Variants in ADCY9 observed in about 807,000 individuals in gnomAD.
The protein encoded by ADCY9 is adenylate cyclase 9, also known as adenylate cyclase type 9.
A neutral mutation model predicts 101.5 loss-of-function variants in ADCY9; 50 were observed. The observed-to-expected ratio is 0.49, with a 90% CI of 0.39 to 0.62. ADCY9 has a LOEUF of 0.62. Ranked by LOEUF, ADCY9 falls within the 20% of genes least tolerant of loss-of-function variation. ADCY9 has a pLI of 0.00. For synonymous variants in ADCY9, 905 were observed against 769.3 expected (o/e 1.18, Z -2.92); for missense variants, 1,662 against 1,800.4 (o/e 0.92, Z 1.39).
intron 2 of ADCY9, among the ~76,000 whole-genome samples, chr16:4,038,836 C>T (rs951440703): frequency 1.3e-5 from 2 of 152,042 alleles, no homozygotes; most frequent in Non-Finnish European, 2.9e-5. Flanking sequence ...CTTCCACTCC[C>T]ACTGCCTGAA....
intron 10 of ADCY9, among the ~76,000 whole-genome samples, chr16:3,968,740 T>C (rs1242483245): frequency 1.3e-5 from 2 of 152,192 alleles, no homozygotes; most frequent in East Asian, 3.8e-4. Flanking sequence ...CCTACCCCTA[T>C]CTTTGTGCGT....
chr16:3,980,572 C>T (rs894096355), intron 7 of ADCY9, among the ~76,000 whole-genome samples: 2 of 152,174 alleles, frequency 1.3e-5, no homozygotes, highest in African/African-American at 2.4e-5. Context: ...CCCCAGCCTT[C>T]GGGCCTGAAC....
In ADCY9 at chr16:3,966,459, C is replaced by A; in HGVS notation, c.3378G>T (p.Gln1126His). ...GGTGCTCCTGCGGGTGGCTGCCGTC[C>A]TGGGCCTGCGCGGTGTTCAGCCCTG... ...AASGLNTAQA[Q>H]DGSHPQEHLQ... is the part of the protein sequence containing the mutation. The change falls in exon 11 of 11, where the codon CAG (glutamine) becomes CAT (histidine). Residue 1126 changes from glutamine (Q) to histidine (H), a missense_variant. Gln to His is a conservative substitution (Grantham distance 24, BLOSUM62 0). Coordinates refer to ENST00000294016, the MANE Select transcript of ADCY9 (RefSeq NM_001116.4). 1 of 1,614,142 alleles carries A rather than the reference C, an allele frequency of 6.2e-7. No homozygotes were observed. Among genetic ancestry groups the A allele is most frequent in the Non-Finnish European group, 8.5e-7 (1 of 1,180,048 alleles).
chr16:4,034,436 G>T (rs1233348243), intron 2 of ADCY9, among the ~76,000 whole-genome samples: 4 of 152,032 alleles, frequency 2.6e-5, no homozygotes, highest in Non-Finnish European at 4.4e-5. Context: ...TTGAGACAAG[G>T]TCTCACTCTG....
At chr16:3,962,288 C>A (rs1187882449), downstream of ADCY9, among the ~76,000 whole-genome samples, 3 of 152,168 alleles carry the variant, frequency 2.0e-5, no homozygotes, top group Non-Finnish European at 2.9e-5. Flanking sequence ...TTTCAGAAAA[C>A]CTACTTTTTC....
At chr16:4,010,670 A>C (rs2056398239) in intron 2 of ADCY9, among the ~76,000 whole-genome samples, 1 of 152,194 alleles carries the variant, frequency 6.6e-6, no homozygotes, top group South Asian at 2.1e-4. Flanking sequence ...AGGCGTGCCA[A>C]GTCCCAGGAC....
At position 3,993,563 on chromosome 16, in the gene ADCY9, C is replaced by T. The variant is rs373220962; in HGVS notation, c.1885-53G>A. 92 of 1,599,300 alleles carry T rather than the reference C, an allele frequency of 5.8e-5. 1 individual carries two copies. In the South Asian group the frequency reaches 9.4e-4, roughly 16 times the overall value. ...CACACCCAGAAACCGCGACTGCCAC[C>T]CTGAATTCAGGCAGGTCCGCTGTTG... On this transcript the variant is annotated intron_variant, in intron 3 of 10. Coordinates refer to ENST00000294016, the MANE Select transcript of ADCY9 (RefSeq NM_001116.4).
At chr16:4,027,434 G>T in intron 2 of ADCY9, among the ~76,000 whole-genome samples, 1 of 152,200 alleles carries the variant, frequency 6.6e-6, no homozygotes, top group East Asian at 1.9e-4. Context: ...CCGAGACTGG[G>T]TAATTACGAA....
chr16:4,114,605 C>A lies in ADCY9; in HGVS notation c.838G>T (p.Glu280Ter). 6.2e-7 allele frequency: 1 copy of A among 1,613,812 alleles called. No homozygotes were observed. The highest frequency in any genetic ancestry group is 8.5e-7 in the Non-Finnish European group (1 of 1,180,042). The change falls in exon 2 of 11, where the codon GAG becomes TAG. Residue 280 changes from glutamate (E) to a stop codon, truncating the protein, a stop_gained. Transcript: ENST00000294016. LOFTEE classifies it high-confidence loss of function. This position sits in a 1 kb window ranked among gnomAD's most constrained non-coding sequence, Gnocchi z 4.3. ...TGGAGCAGCCCCCTGCTCAGCAGCTCCCAGTGCAGGGCCCCGGCTCCGGGC... is the reference window on the plus strand; with the variant it reads ...TGGAGCAGCCCCCTGCTCAGCAGCTACCAGTGCAGGGCCCCGGCTCCGGGC... ...PSPGAGALHWELLSRGLLHGC... is the reference protein window; with the variant it reads ...PSPGAGALHW
intron 2 of ADCY9, among the ~76,000 whole-genome samples, chr16:4,053,537 C>T (rs1409660021): frequency 1.3e-5 from 2 of 152,216 alleles, no homozygotes; most frequent in East Asian, 3.8e-4. Flanking sequence ...CTTGTCGCCA[C>T]AATGGCTGAT....
chr16:3,969,984 A>G (rs567637932), intron 10 of ADCY9, among the ~76,000 whole-genome samples: 2 of 152,282 alleles, frequency 1.3e-5, no homozygotes, highest in Middle Eastern at 3.4e-3. Flanking sequence ...ATCCAGAGGC[A>G]ATCACTATTA....
chr16:4,100,611 G>T (rs9935306), intron 2 of ADCY9, among the ~76,000 whole-genome samples: 1 of 151,970 alleles, frequency 6.6e-6, no homozygotes, highest in Non-Finnish European at 1.5e-5. Flanking sequence ...GATTACAGGC[G>T]TGAGCCATGC....
At chr16:4,068,761 G>A (rs932521741) in intron 2 of ADCY9, among the ~76,000 whole-genome samples, 5 of 150,732 alleles carry the variant, frequency 3.3e-5, no homozygotes, top group South Asian at 2.1e-4. Context: ...AGCTTGCAGT[G>A]AGCCAAGATC....
chr16:4,033,638 A>G (rs986854777), intron 2 of ADCY9, among the ~76,000 whole-genome samples: 1 of 151,934 alleles, frequency 6.6e-6, no homozygotes, highest in African/African-American at 2.4e-5. Context: ...GATGGTCTCA[A>G]TCTCCTGACC....
chr16:4,024,873 T>G (rs1038552681), intron 2 of ADCY9, among the ~76,000 whole-genome samples: 1 of 152,164 alleles, frequency 6.6e-6, no homozygotes, highest in Admixed American at 6.5e-5. Context: ...AAGATGCTGG[T>G]GACACGCTCA....
chr16:4,085,978 G>A (rs1012373735), intron 2 of ADCY9, among the ~76,000 whole-genome samples: 2 of 151,774 alleles, frequency 1.3e-5, no homozygotes, highest in African/African-American at 2.4e-5. Flanking sequence ...AACAACACTC[G>A]CTGAGTATCT....
At chr16:3,971,914 CG>C (rs1208947266) in intron 10 of ADCY9, among the ~76,000 whole-genome samples, 7 of 152,182 alleles carry the variant, frequency 4.6e-5, no homozygotes, top group Non-Finnish European at 1.0e-4. Flanking sequence ...TGACTCGAGA[CG>C]GGCGCAGGCC....
Position 3,983,317 on chromosome 16 carries a change from C to T in ADCY9, c.2434G>A (p.Ala812Thr), listed in dbSNP as rs1228010830. 3 of 1,572,272 alleles carry T rather than the reference C, an allele frequency of 1.9e-6. No homozygotes were observed. Among genetic ancestry groups the T allele is most frequent in the Non-Finnish European group, 2.6e-6 (3 of 1,159,368 alleles). The change falls in exon 7 of 11, where the codon GCC (alanine) becomes ACC (threonine). Residue 812 changes from alanine (A) to threonine (T), a missense_variant. Coordinates refer to ENST00000294016, the MANE Select transcript of ADCY9 (RefSeq NM_001116.4). ...STTCFLKYEA[A>T]TVPPPPAALA... Reference sequence around the variant, plus strand: ...GCGGCGGGCGGGGGAGGCACGGTGGCCGCCTCGTACTTCAGGAAGCAGGTG... The same window carrying T: ...GCGGCGGGCGGGGGAGGCACGGTGGTCGCCTCGTACTTCAGGAAGCAGGTG...
At chr16:4,109,290 T>C (rs2057098919) in intron 2 of ADCY9, among the ~76,000 whole-genome samples, 1 of 152,146 alleles carries the variant, frequency 6.6e-6, no homozygotes, top group Non-Finnish European at 1.5e-5. Context: ...AATGCAGTGG[T>C]GCAATCACGG....
Sources: allele counts gnomAD v4.1 joint callset (sites outside exome capture counted in the v4.1 genomes callset), GRCh38; gene constraint gnomAD v4.1.1; non-coding constraint Gnocchi (gnomAD v3.1); transcripts MANE v1.5; gene names NCBI Gene and HGNC (gene_info 2026-07-23, HGNC 2026-07-21).